DEPDC1B: variants seen among roughly 807,000 people sequenced by gnomAD.
The protein encoded by DEPDC1B is DEP domain-containing protein 1B.
DEPDC1B carries 51 observed loss-of-function variants against 66.5 expected under a neutral mutation model. The ratio of observed to expected loss-of-function variants is 0.77; its 90% CI spans 0.61 to 0.97. The LOEUF (loss-of-function observed/expected upper bound fraction) is 0.97, where lower values mean the gene tolerates loss of function less well. Among genes scored for constraint, DEPDC1B ranks in the 50% least tolerant of loss-of-function variants. DEPDC1B has a pLI of 0.00. For synonymous variants in DEPDC1B, 226 were observed against 223.6 expected (o/e 1.01, Z -0.10); for missense variants, 552 against 637.1 (o/e 0.87, Z 1.44).
chr5:60,623,411 C>T (rs1340382591), intron 7 of DEPDC1B, among the ~76,000 whole-genome samples: 1 of 152,128 alleles, frequency 6.6e-6, no homozygotes, highest in East Asian at 1.9e-4. Context: ...CAATACCACA[C>T]CTGAAAGTAA....
At chr5:60,649,861 A>T (rs1267977594) in intron 2 of DEPDC1B, among the ~76,000 whole-genome samples, 1 of 152,122 alleles carries the variant, frequency 6.6e-6, no homozygotes, top group Non-Finnish European at 1.5e-5. Context: ...ATTCTTTCTT[A>T]AACTCAGGTT....
At chr5:60,608,033 A>C (rs187857056) in intron 7 of DEPDC1B, among the ~76,000 whole-genome samples, 2 of 152,136 alleles carry the variant, frequency 1.3e-5, no homozygotes, top group Non-Finnish European at 2.9e-5. Flanking sequence ...TGAACAGAGG[A>C]GTCACTTGAT....
chr5:60,664,410 A>AAGGAGAC, intron 2 of DEPDC1B, among the ~76,000 whole-genome samples: 1 of 152,332 alleles, frequency 6.6e-6, no homozygotes. Context: ...CTCACTGCTA[A>AAGGAGAC]AGGAGACTTG....
intron 2 of DEPDC1B, among the ~76,000 whole-genome samples, chr5:60,653,744 T>C (rs546116896): frequency 1.3e-5 from 2 of 150,684 alleles, no homozygotes; most frequent in Admixed American, 6.6e-5. Context: ...TCAGGTCTTA[T>C]ATTTAAGTCT....
intron 2 of DEPDC1B, among the ~76,000 whole-genome samples, chr5:60,670,027 C>T (rs972418718): frequency 4.6e-5 from 7 of 151,954 alleles, no homozygotes; most frequent in Non-Finnish European, 1.0e-4. Flanking sequence ...AAAACTGCAC[C>T]GAAATAATCA....
intron 7 of DEPDC1B, among the ~76,000 whole-genome samples, chr5:60,630,335 G>A (rs916871390): frequency 3.3e-5 from 5 of 152,204 alleles, no homozygotes; most frequent in African/African-American, 7.2e-5. Context: ...ATCAGGAGAT[G>A]TGCGCTCGGC....
chr5:60,640,657 A>G (rs751023376), intron 6 of DEPDC1B, among the ~76,000 whole-genome samples: 1 of 152,222 alleles, frequency 6.6e-6, no homozygotes, highest in African/African-American at 2.4e-5. Context: ...CCAACAATGA[A>G]TGTATACAGG....
At chr5:60,625,774 T>C (rs1752797874) in intron 7 of DEPDC1B, among the ~76,000 whole-genome samples, 1 of 152,140 alleles carries the variant, frequency 6.6e-6, no homozygotes, top group African/African-American at 2.4e-5. Context: ...GAGGCTGTAT[T>C]TTTGGTTGGC....
At chr5:60,644,114 T>C (rs1349188206) in intron 5 of DEPDC1B, among the ~76,000 whole-genome samples, 4 of 152,198 alleles carry the variant, frequency 2.6e-5, no homozygotes, top group South Asian at 2.1e-4. Context: ...CCAAATCTGG[T>C]CCTTATCCAC....
At chr5:60,637,268 C>T (rs1306223954) in intron 7 of DEPDC1B, among the ~76,000 whole-genome samples, 1 of 152,120 alleles carries the variant, frequency 6.6e-6, no homozygotes, top group Non-Finnish European at 1.5e-5. Flanking sequence ...TTTCTAATGG[C>T]TTAGCACCAT....
At chr5:60,616,794 A>G (rs1752565861) in intron 7 of DEPDC1B, among the ~76,000 whole-genome samples, 1 of 152,184 alleles carries the variant, frequency 6.6e-6, no homozygotes, top group Admixed American at 6.5e-5. Flanking sequence ...GAACGCCACA[A>G]AGATACTCCT....
At chr5:60,635,536 A>C (rs1056114315) in intron 7 of DEPDC1B, among the ~76,000 whole-genome samples, 4 of 152,232 alleles carry the variant, frequency 2.6e-5, no homozygotes, top group African/African-American at 7.2e-5. Context: ...GCCTCCTAAC[A>C]AATAAACCAG....
chr5:60,650,326 G>A (rs376495310), intron 2 of DEPDC1B, among the ~76,000 whole-genome samples: 2 of 152,108 alleles, frequency 1.3e-5, no homozygotes, highest in Non-Finnish European at 1.5e-5. Context: ...AACATAATAC[G>A]GCAATACTGA....
intron 1 of DEPDC1B, among the ~76,000 whole-genome samples, chr5:60,694,808 C>CT (rs1754619277): frequency 6.6e-6 from 1 of 152,164 alleles, no homozygotes. Context: ...AGACCAGTGC[C>CT]TGACATATAG....
intron 7 of DEPDC1B, chr5:60,630,445 G>A (rs1752898539): frequency 6.6e-6 from 1 of 152,294 alleles, no homozygotes; most frequent in African/African-American, 2.4e-5. Context: ...GCCCCACCAA[G>A]CAGTGAGGGC....
intron 2 of DEPDC1B, among the ~76,000 whole-genome samples, chr5:60,661,884 C>T (rs548127685): frequency 1.3e-4 from 20 of 152,172 alleles, no homozygotes; most frequent in African/African-American, 4.1e-4. Flanking sequence ...TACTAACTTG[C>T]GTGCTAGAAG....
At chr5:60,655,929 G>C (rs1182391869) in intron 2 of DEPDC1B, among the ~76,000 whole-genome samples, 1 of 148,622 alleles carries the variant, frequency 6.7e-6, no homozygotes, top group African/African-American at 2.5e-5. Flanking sequence ...TGGCTTTGAG[G>C]GTTCCTTTTG....
intron 7 of DEPDC1B, among the ~76,000 whole-genome samples, chr5:60,627,549 C>G (rs984205219): frequency 6.6e-6 from 1 of 151,990 alleles, no homozygotes; most frequent in Admixed American, 6.6e-5. Context: ...TTTCTACAAT[C>G]TCAACATCAT....
chr5:60,696,098 G>A (rs1232286622), intron 1 of DEPDC1B, among the ~76,000 whole-genome samples: 1 of 152,094 alleles, frequency 6.6e-6, no homozygotes, highest in South Asian at 2.1e-4. Flanking sequence ...CACCCAGCGT[G>A]AAAATTTCTT....
Sources: allele counts gnomAD v4.1 joint callset (sites outside exome capture counted in the v4.1 genomes callset), GRCh38; gene constraint gnomAD v4.1.1; transcripts MANE v1.5; gene names NCBI Gene and HGNC (gene_info 2026-07-23, HGNC 2026-07-21).